The following LARP1B variants were observed in gnomAD, a reference collection of about 807,000 sequenced individuals.
LARP1B encodes La ribonucleoprotein 1B.
LARP1B carries 76 observed loss-of-function variants against 114.2 expected under a neutral mutation model. The observed-to-expected ratio is 0.67, with a 90% CI of 0.55 to 0.81. LARP1B has a LOEUF of 0.81. Among genes scored for constraint, LARP1B ranks in the 30% least tolerant of loss-of-function variants. LARP1B has a pLI of 0.00. For missense variants in LARP1B, 1,014 were observed against 1,075.8 expected (o/e 0.94, Z 0.80); for synonymous variants, 345 against 348.0 (o/e 0.99, Z 0.10).
intron 12 of LARP1B, among the ~76,000 whole-genome samples, chr4:128,165,219 G>A (rs1740255442): frequency 1.3e-5 from 2 of 151,892 alleles, no homozygotes; most frequent in East Asian, 1.9e-4. Flanking sequence ...ATTTATGTAT[G>A]TATTGGTCTA....
intron 10 of LARP1B, among the ~76,000 whole-genome samples, chr4:128,115,455 C>T (rs1474794254): frequency 2.0e-5 from 3 of 152,028 alleles, no homozygotes; most frequent in Non-Finnish European, 4.4e-5. Flanking sequence ...CCTGTGGTCT[C>T]AGCTACTCAG....
chr4:128,112,971 T>C (rs1784622156), intron 9 of LARP1B, among the ~76,000 whole-genome samples: 1 of 152,208 alleles, frequency 6.6e-6, no homozygotes, highest in African/African-American at 2.4e-5. Context: ...TGAAATACTC[T>C]TCTTAAACCC....
Position 128,200,622 on chromosome 4 carries a change from G to A in LARP1B, c.2266G>A (p.Glu756Lys), listed in dbSNP as rs1755638842. Residue 756 changes from glutamate (E) to lysine (K), a missense_variant, in exon 17 of 20, where the codon GAA (glutamate) becomes AAA (lysine). Transcript: ENST00000326639. ...TCACTTCAATAAAAAAATGTATGAG[G>A]AATTTAGACAACTTGCTTGGGAAGA... Reference protein sequence around the residue: ...RDHFNKKMYEEFRQLAWEDAK... With the variant: ...RDHFNKKMYEKFRQLAWEDAK... 4 of 1,588,886 alleles carry A rather than the reference G, an allele frequency of 2.5e-6. No individual in the cohort carries two copies. The highest frequency in any genetic ancestry group is 3.4e-6 in the Non-Finnish European group (4 of 1,169,304).
downstream of LARP1B, among the ~76,000 whole-genome samples, chr4:128,212,840 A>G (rs900432661): frequency 2.0e-5 from 3 of 150,854 alleles, no homozygotes; most frequent in Admixed American, 6.6e-5. Flanking sequence ...GCTTCCCTAC[A>G]TCCTTATCAA....
At chr4:128,100,470 C>T (rs1048296412) in intron 8 of LARP1B, among the ~76,000 whole-genome samples, 1 of 151,838 alleles carries the variant, frequency 6.6e-6, no homozygotes, top group East Asian at 1.9e-4. Flanking sequence ...ATGGGGGTTT[C>T]ACCATGTTGG....
chr4:128,167,089 T>C (rs923487865), intron 12 of LARP1B, among the ~76,000 whole-genome samples: 8 of 150,992 alleles, frequency 5.3e-5, no homozygotes, highest in African/African-American at 1.9e-4. Flanking sequence ...TCACCATTTC[T>C]CTGTTTATCA....
intron 12 of LARP1B, among the ~76,000 whole-genome samples, chr4:128,170,283 A>G (rs935607461): frequency 1.3e-5 from 2 of 152,186 alleles, no homozygotes; most frequent in African/African-American, 2.4e-5. Context: ...TGAATATGCC[A>G]TATGCATCTG....
chr4:128,103,561 C>CTTTTT (rs1049704607), intron 8 of LARP1B, among the ~76,000 whole-genome samples: 3 of 131,874 alleles, frequency 2.3e-5, no homozygotes, highest in Non-Finnish European at 3.2e-5. Flanking sequence ...GCCCCTTCCT[C>CTTTTT]TTTTTTTTTT....
chr4:128,198,887 A>G (rs1755084834), intron 15 of LARP1B, among the ~76,000 whole-genome samples: 1 of 152,230 alleles, frequency 6.6e-6, no homozygotes, highest in Non-Finnish European at 1.5e-5. Context: ...TTTGAATTTG[A>G]GTGCAGATGA....
At chr4:128,171,421 C>T (rs1743662209) in intron 12 of LARP1B, among the ~76,000 whole-genome samples, 1 of 152,180 alleles carries the variant, frequency 6.6e-6, no homozygotes, top group African/African-American at 2.4e-5. Flanking sequence ...GCATGAATCA[C>T]CACACTCAGC....
intron 8 of LARP1B, among the ~76,000 whole-genome samples, chr4:128,103,722 C>G (rs1781112758): frequency 6.6e-6 from 1 of 152,038 alleles, no homozygotes; most frequent in South Asian, 2.1e-4. Flanking sequence ...GCCACCACGC[C>G]TGGCTAATTT....
chr4:128,156,863 TA>T (rs56753518), intron 11 of LARP1B, among the ~76,000 whole-genome samples: 8,496 of 80,768 alleles, frequency 0.11, 466 homozygotes, highest in African/African-American at 0.23. Context: ...GGCTTGAAGC[TA>T]AAAAAAAAAA....
At chr4:128,194,557 C>A (rs1310393614) in intron 15 of LARP1B, among the ~76,000 whole-genome samples, 2 of 151,634 alleles carry the variant, frequency 1.3e-5, no homozygotes, top group Non-Finnish European at 2.9e-5. Flanking sequence ...GTGGCGGGCG[C>A]CTGTAGTCCC....
In LARP1B at chr4:128,209,925, A is replaced by G; in HGVS notation, c.2617A>G (p.Arg873Gly). ...STSGEESNRH[R>G]LPPNSSTKPP... ...TTCTGGTGAGGAGAGTAATCGTCAT[A>G]GACTTCCACCTAATTCCTCTACAAA... Residue 873 changes from arginine to glycine, a missense_variant, in exon 20 of 20, where the codon AGA becomes GGA. Physicochemically the swap from Arg to Gly is moderately radical, Grantham distance 125. Coordinates refer to ENST00000326639, the MANE Select transcript of LARP1B (RefSeq NM_018078.4). 6.2e-7 allele frequency: 1 copy of G among 1,613,932 alleles called. No individual in the cohort carries two copies. The highest frequency in any genetic ancestry group is 8.5e-7 in the Non-Finnish European group (1 of 1,179,826).
chr4:128,100,089 A>G (rs1396950293), intron 8 of LARP1B, among the ~76,000 whole-genome samples: 2 of 151,440 alleles, frequency 1.3e-5, no homozygotes, highest in African/African-American at 4.9e-5. Flanking sequence ...CCTCCCAAGT[A>G]TCTGGGATTA....
intron 1 of LARP1B, among the ~76,000 whole-genome samples, chr4:128,071,807 A>T (rs1765488296): frequency 6.6e-6 from 1 of 152,140 alleles, no homozygotes; most frequent in African/African-American, 2.4e-5. Context: ...TCATCAGTGC[A>T]TTTTCTTAAT....
chr4:128,072,719 G>C (rs1765863300), intron 1 of LARP1B, among the ~76,000 whole-genome samples: 1 of 151,974 alleles, frequency 6.6e-6, no homozygotes, highest in Non-Finnish European at 1.5e-5. Context: ...ACCACACCTG[G>C]TTAATTTTTG....
downstream of LARP1B, among the ~76,000 whole-genome samples, chr4:128,214,141 CAGAGGGT>C (rs1289328179): frequency 7.0e-6 from 1 of 142,092 alleles, no homozygotes; most frequent in African/African-American, 2.6e-5. Context: ...ACACCTGGCT[CAGAGGGT>C]CCTACGCCCA....
At chr4:128,080,479 C>T (rs189576323) in intron 4 of LARP1B, among the ~76,000 whole-genome samples, 142 of 152,226 alleles carry the variant, frequency 9.3e-4, no homozygotes, top group African/African-American at 3.2e-3. Context: ...TTTTTAGATG[C>T]ATTTATATTC....
Sources: allele counts gnomAD v4.1 joint callset (sites outside exome capture counted in the v4.1 genomes callset), GRCh38; gene constraint gnomAD v4.1.1; transcripts MANE v1.5; gene names NCBI Gene and HGNC (gene_info 2026-07-23, HGNC 2026-07-21).